Variants in PIBF1 observed in about 807,000 individuals in gnomAD.
PIBF1 encodes progesterone-induced-blocking factor 1.
Under a neutral mutation model 112.5 loss-of-function variants are expected in PIBF1, and 90 were observed. The ratio of observed to expected loss-of-function variants is 0.80; its 90% CI spans 0.67 to 0.95. The LOEUF (loss-of-function observed/expected upper bound fraction) is 0.95, where lower values mean the gene tolerates loss of function less well. PIBF1 is among the 40% of genes least tolerant of loss of function. The pLI, the probability that PIBF1 is intolerant of heterozygous loss-of-function variation, is 0.00. For missense variants in PIBF1, 915 were observed against 852.3 expected, an observed-to-expected ratio of 1.07 and a Z score of -0.92; for synonymous variants, 301 against 288.6, an observed-to-expected ratio of 1.04 and a Z score of -0.44.
At chr13:72,905,893 G>T (rs2138642323) in intron 11 of PIBF1, among the ~76,000 whole-genome samples, 1 of 152,236 alleles carries the variant, frequency 6.6e-6, no homozygotes. Context: ...GAGGCTTGAG[G>T]GCATTTCTTA....
chr13:72,858,092 C>T (rs1404703009), intron 10 of PIBF1, among the ~76,000 whole-genome samples: 1 of 151,396 alleles, frequency 6.6e-6, no homozygotes, highest in Non-Finnish European at 1.5e-5. Context: ...CACTCTGTTG[C>T]CCAGTCTGGA....
At chr13:72,815,571 C>A (rs767881109) in intron 5 of PIBF1, among the ~76,000 whole-genome samples, 4 of 152,142 alleles carry the variant, frequency 2.6e-5, no homozygotes, top group Non-Finnish European at 5.9e-5. Flanking sequence ...GTTATAGTCT[C>A]CTTTTTTTCC....
chr13:72,789,220 T>C (rs1404738114), intron 2 of PIBF1, among the ~76,000 whole-genome samples: 2 of 152,182 alleles, frequency 1.3e-5, no homozygotes, highest in African/African-American at 2.4e-5. Flanking sequence ...GGTCTCACTC[T>C]CTTGCCCAGG....
intron 13 of PIBF1, among the ~76,000 whole-genome samples, chr13:72,920,582 C>T (rs2041253148): frequency 6.6e-6 from 1 of 152,150 alleles, no homozygotes; most frequent in Non-Finnish European, 1.5e-5. Context: ...AAGATAAAAG[C>T]AGTATAACCT....
At chr13:73,013,194 G>A (rs564068064) in intron 17 of PIBF1, among the ~76,000 whole-genome samples, 4 of 150,590 alleles carry the variant, frequency 2.7e-5, no homozygotes, top group Non-Finnish European at 5.9e-5. Context: ...CCAGCTACTC[G>A]GGAGGCTGAG....
At chr13:73,008,672 T>C (rs1046729129) in intron 17 of PIBF1, among the ~76,000 whole-genome samples, 2 of 152,136 alleles carry the variant, frequency 1.3e-5, no homozygotes, top group Non-Finnish European at 2.9e-5. Context: ...TGTGAAAACA[T>C]GACAAATGCT....
intron 17 of PIBF1, among the ~76,000 whole-genome samples, chr13:73,001,873 C>T (rs1004923344): frequency 6.6e-6 from 1 of 152,072 alleles, no homozygotes; most frequent in African/African-American, 2.4e-5. Context: ...CTGCCCACCT[C>T]GGCTTCCCAA....
chr13:72,921,349 G>A (rs2041284118), intron 13 of PIBF1, among the ~76,000 whole-genome samples: 2 of 151,990 alleles, frequency 1.3e-5, no homozygotes, highest in Non-Finnish European at 2.9e-5. Flanking sequence ...CTAAGCTCAG[G>A]CAATCTGCCC....
At chr13:72,939,497 C>G (rs970905848) in intron 14 of PIBF1, among the ~76,000 whole-genome samples, 1 of 152,108 alleles carries the variant, frequency 6.6e-6, no homozygotes, top group Non-Finnish European at 1.5e-5. Flanking sequence ...CGTTTTGTGT[C>G]TGGTTTCTTT....
At chr13:72,812,353 A>C (rs192335676) in intron 5 of PIBF1, among the ~76,000 whole-genome samples, 1 of 152,322 alleles carries the variant, frequency 6.6e-6, no homozygotes, top group African/African-American at 2.4e-5. Context: ...AATTTATAAT[A>C]GAGTACTATC....
intron 5 of PIBF1, among the ~76,000 whole-genome samples, chr13:72,816,982 A>G (rs1319086723): frequency 1.3e-5 from 2 of 152,158 alleles, no homozygotes; most frequent in Non-Finnish European, 2.9e-5. Flanking sequence ...TGTTCTTTTC[A>G]GTATTTAGTT....
At chr13:72,991,475 G>C (rs2043478383) in intron 16 of PIBF1, among the ~76,000 whole-genome samples, 1 of 152,142 alleles carries the variant, frequency 6.6e-6, no homozygotes, top group African/African-American at 2.4e-5. Context: ...CATTCATATA[G>C]TAATGGTAAT....
At position 72,882,366 on chromosome 13, in the gene PIBF1, A is replaced by T. The variant is rs116971643; in HGVS notation, c.1323-11418A>T. Among the ~76,000 whole-genome samples, 1,297 of 152,306 alleles carry T rather than the reference A, an allele frequency of 8.5e-3. 65 individuals are homozygous for T. The highest frequency in any genetic ancestry group is 9.6e-3 in the East Asian group (50 of 5,184). On this transcript the variant is annotated intron_variant, in intron 10 of 17. Coordinates refer to ENST00000326291, the MANE Select transcript of PIBF1 (RefSeq NM_006346.4). The stretch of plus-strand genomic sequence containing the variant: ...AAACATTGGAGAAACGCTCTAGGAC[A>T]TTGTTCTGAGCAAAGATTTCTTGAG...
intron 11 of PIBF1, among the ~76,000 whole-genome samples, chr13:72,900,814 G>T (rs1222984609): frequency 2.0e-5 from 3 of 152,154 alleles, no homozygotes; most frequent in African/African-American, 4.8e-5. Flanking sequence ...CATGAGGTTG[G>T]GAGTTCAAGA....
intron 14 of PIBF1, among the ~76,000 whole-genome samples, chr13:72,942,586 G>T (rs992807170): frequency 1.3e-5 from 2 of 152,082 alleles, no homozygotes; most frequent in African/African-American, 4.8e-5. Flanking sequence ...ATTTTTTCAT[G>T]CATGGGCTTT....
rs930398058 is a variant in PIBF1 at position 72,821,947 on chromosome 13, T to C, written c.771T>C (p.Gly257=). ...ACACAAAACAGTTAATTCAGCAAGG[T>C]GACTACCGTCAAGAGAACTATGATA... ...LADTKQLIQQ[G]DYRQENYDKV... is the part of the protein sequence containing the mutation. The change falls in exon 6 of 18, where the codon GGT becomes GGC. Residue 257 remains glycine, a synonymous_variant. Transcript: ENST00000326291. The C allele has an allele frequency of 6.2e-7, 1 of 1,612,660 alleles. No individual in the cohort carries two copies. The highest frequency in any genetic ancestry group is 1.3e-5 in the African/African-American group (1 of 74,860).
chr13:72,880,184 C>T (rs542324476), intron 10 of PIBF1, among the ~76,000 whole-genome samples: 2 of 152,254 alleles, frequency 1.3e-5, no homozygotes, highest in African/African-American at 4.8e-5. Flanking sequence ...AAAATTATGA[C>T]TTTGAACGGG....
chr13:72,915,149 G>GATAT (rs142559850), intron 12 of PIBF1, among the ~76,000 whole-genome samples: 1 of 150,418 alleles, frequency 6.6e-6, no homozygotes, highest in Non-Finnish European at 1.5e-5. Flanking sequence ...GTTATATGCA[G>GATAT]ATATATATAT....
intron 10 of PIBF1, among the ~76,000 whole-genome samples, chr13:72,859,481 G>A (rs1373743141): frequency 1.3e-5 from 2 of 152,072 alleles, no homozygotes; most frequent in African/African-American, 4.8e-5. Context: ...ATATCCTGCA[G>A]TACTATATTT....
Sources: gnomAD v4.1 joint callset for allele counts (sites outside exome capture counted in the v4.1 genomes callset) on GRCh38, gnomAD v4.1.1 for gene constraint, MANE v1.5 for transcripts, NCBI Gene and HGNC (gene_info 2026-07-23, HGNC 2026-07-21) for gene names.